MLLT6: variants seen among roughly 807,000 people sequenced by gnomAD.
MLLT6 encodes protein AF-17.
In MLLT6, 22 loss-of-function variants were observed where a neutral mutation model predicts 103.0. That is an observed-to-expected ratio of 0.21 (90% CI 0.15 to 0.31). MLLT6 has a LOEUF of 0.31. Among genes scored for constraint, MLLT6 ranks in the 10% least tolerant of loss-of-function variants. The pLI is 1.00. For synonymous variants in MLLT6, 606 were observed against 623.5 expected (o/e 0.97, Z 0.42); for missense variants, 1,199 against 1,441.7 (o/e 0.83, Z 2.73).
intron 16 of MLLT6, among the ~76,000 whole-genome samples, chr17:38,721,420 T>TA (rs1905730255): frequency 6.6e-6 from 1 of 152,140 alleles, no homozygotes; most frequent in African/African-American, 2.4e-5. Flanking sequence ...TACGAGTGAG[T>TA]AAACTAAGAC....
intron 16 of MLLT6, among the ~76,000 whole-genome samples, chr17:38,721,581 A>G (rs1905739356): frequency 6.6e-6 from 1 of 152,244 alleles, no homozygotes; most frequent in African/African-American, 2.4e-5. Flanking sequence ...ATAGCAAGAT[A>G]GCACAGGTCA....
Position 38,719,914 on chromosome 17 carries a change from G to C in MLLT6, c.2155+19G>C. On this transcript the variant is annotated intron_variant, in intron 14 of 19. Transcript: ENST00000621332. The stretch of plus-strand genomic sequence containing the variant: ...GTCAACAGTGAGGAGGGGTGGCGCC[G>C]GTCGGGACGCCTGCCCTAGGGCCCT... The C allele has an allele frequency of 6.4e-7, 1 of 1,554,582 alleles. No homozygotes were observed.
intron 6 of MLLT6, among the ~76,000 whole-genome samples, chr17:38,710,352 A>G (rs1905103451): frequency 6.6e-6 from 1 of 152,258 alleles, no homozygotes; most frequent in East Asian, 1.9e-4. Flanking sequence ...AGAAGCTGTG[A>G]GGTATTCTGG....
rs1905360213 is a variant in MLLT6, at chr17:38,716,666, C to CACCACAAA, written c.1336_1337insACCACAAA (p.Pro446HisfsTer6). ...CTCGGCAGGCACCCACAAACGGATG[C>CACCACAAA]CCGCACTGAGTGCCACCCCTGTGCC... On this transcript the variant is annotated frameshift_variant, in exon 10 of 20. Coordinates refer to ENST00000621332, the MANE Select transcript of MLLT6 (RefSeq NM_005937.4). LOFTEE classifies it high-confidence loss of function. This position sits in a 1 kb window ranked among gnomAD's most constrained non-coding sequence, Gnocchi z 5.6. The CACCACAAA allele has an allele frequency of 6.2e-7, 1 of 1,613,328 alleles. No individual in the cohort carries two copies. The highest frequency in any genetic ancestry group is 1.7e-5 in the Admixed American group (1 of 59,982).
At chr17:38,710,523 A>G (rs1905110353) in intron 6 of MLLT6, among the ~76,000 whole-genome samples, 1 of 152,120 alleles carries the variant, frequency 6.6e-6, no homozygotes, top group African/African-American at 2.4e-5. Context: ...AGACAGCTGC[A>G]AGAAGGGGGA....
At position 38,721,974 on chromosome 17, in the gene MLLT6, C is replaced by T. The variant is rs527261146; in HGVS notation, c.2539C>T (p.Leu847=). 490 of 1,504,444 alleles carry T rather than the reference C, an allele frequency of 3.3e-4. 5 individuals are homozygous for T. In the South Asian group the frequency reaches 5.6e-3, roughly 17 times the overall value. The allele number at this position is 1,504,444 out of a possible 1,614,324, so 93.2% of individuals were successfully genotyped here. The change falls in exon 17 of 20, where the codon CTG becomes TTG. Residue 847 remains leucine (L), a synonymous_variant. Coordinates refer to ENST00000621332, the MANE Select transcript of MLLT6 (RefSeq NM_005937.4). ...CCTCCTCCAGCAGAGCCCTGCCACTCTGCCCCTGGCCCTGCCTGGGGCCCC... is the reference window on the plus strand; with the variant it reads ...CCTCCTCCAGCAGAGCCCTGCCACTTTGCCCCTGGCCCTGCCTGGGGCCCC... ...LPLLQQSPAT[L]PLALPGAPAP...
At chr17:38,721,147 CACAAAATAATT>C (rs1905709876) in intron 16 of MLLT6, 1 of 234,766 alleles carries the variant, frequency 4.3e-6, no homozygotes, top group Admixed American at 5.1e-5. Context: ...TAGCGCCTCA[CACAAAATAATT>C]CCTGTGTAAC....
chr17:38,721,718 T>C (rs954939094), intron 16 of MLLT6, among the ~76,000 whole-genome samples, 160 bp from the exon 17 acceptor site: 1 of 152,154 alleles, frequency 6.6e-6, no homozygotes, highest in African/African-American at 2.4e-5. Flanking sequence ...GTGAAGACAA[T>C]TTGGATTCTT....
rs1194718033 is a variant in MLLT6, at chr17:38,724,790, T to C, written c.3054T>C (p.Ala1018=). Residue 1018 remains alanine, a synonymous_variant, in exon 19 of 20, where the codon GCT becomes GCC. Transcript: ENST00000621332. The surrounding 1 kb of genome is among the most constrained non-coding windows in gnomAD (Gnocchi z 5.4). ...GTPGLLPTAS[A]PPLLPAGALV... Reference sequence around the variant, plus strand: ...CTGGCCTGCTGCCCACAGCGTCTGCTCCACCCCTGCTGCCCGCTGGAGCCC... The same window carrying C: ...CTGGCCTGCTGCCCACAGCGTCTGCCCCACCCCTGCTGCCCGCTGGAGCCC... The C allele has an allele frequency of 1.2e-6, 2 of 1,606,686 alleles. No homozygotes were observed. Among genetic ancestry groups the C allele is most frequent in the Non-Finnish European group, 8.5e-7 (1 of 1,177,014 alleles).
rs1905653581 is a variant in MLLT6 at position 38,720,389 on chromosome 17, G to T, written c.2173G>T (p.Ala725Ser). 6.2e-7 allele frequency: 1 copy of T among 1,609,896 alleles called. No homozygotes were observed. The highest frequency in any genetic ancestry group is 2.2e-5 in the East Asian group (1 of 44,774). Residue 725 changes from alanine (A) to serine (S), a missense_variant, in exon 15 of 20, where the codon GCG becomes TCG. Ala to Ser is a moderately conservative substitution (Grantham distance 99). Around this residue, in one of 7 missense-constraint regions of MLLT6, gnomAD observed 1,034 missense variants for 1,091.5 expected, o/e 0.95. Coordinates refer to ENST00000621332, the MANE Select transcript of MLLT6 (RefSeq NM_005937.4). ...AGVNIVEMLKALHALQKENQR... is the reference protein window; with the variant it reads ...AGVNIVEMLKSLHALQKENQR... ...CTCCGCAGTCGTGGAGATGCTGAAG[G>T]CGCTGCACGCGCTGCAGAAGGAGAA...
rs1905084534 is a variant in MLLT6, at chr17:38,709,859, G to C, written c.552+284G>C. Among the ~76,000 whole-genome samples, 1 of 152,242 alleles carries C rather than the reference G, an allele frequency of 6.6e-6. No homozygotes were observed. The highest frequency in any genetic ancestry group is 2.1e-4 in the South Asian group (1 of 4,836). ...AGAGGTAGCATTTAAGCTGAGTGGA[G>C]GTGGAAATCAAAGTAAGAGCCAACA... is the stretch of plus-strand genomic sequence containing the variant. On this transcript the variant is annotated intron_variant, in intron 6 of 19. Coordinates refer to ENST00000621332, the MANE Select transcript of MLLT6 (RefSeq NM_005937.4). The surrounding 1 kb of genome is among the most constrained non-coding windows in gnomAD (Gnocchi z 4.3).
rs1004096817 is a variant in MLLT6 at position 38,727,861 on chromosome 17, C to T, written c.*2263C>T. On this transcript the variant is annotated 3_prime_UTR_variant, in exon 20 of 20. Coordinates refer to ENST00000621332, the MANE Select transcript of MLLT6 (RefSeq NM_005937.4). ...GAAGAGTTGCTCATTCACACCCACG[C>T]CCTTGCCCAAGGCTGGCCCACTTAG... 4.3e-6 allele frequency: 1 copy of T among 233,092 alleles called. No individual in the cohort carries two copies. Among genetic ancestry groups the T allele is most frequent in the African/African-American group, 2.2e-5 (1 of 45,354 alleles). The allele number at this position is 233,092 out of a possible 1,614,324, so 14.4% of individuals were successfully genotyped here.
At position 38,712,807 on chromosome 17, in the gene MLLT6, C is replaced by G. The variant is rs573717802; in HGVS notation, c.819+18C>G. ...CTGACAAGGTACTGCTGCCCACCTTCAGGAGGGATGGTGTGTGGGTCTGGG... is the reference window on the plus strand; with the variant it reads ...CTGACAAGGTACTGCTGCCCACCTTGAGGAGGGATGGTGTGTGGGTCTGGG... On this transcript the variant is annotated intron_variant, in intron 8 of 19. Transcript: ENST00000621332. The G allele has an allele frequency of 2.3e-5, 36 of 1,582,282 alleles. No homozygotes were observed. The highest frequency in any genetic ancestry group is 3.0e-5 in the Non-Finnish European group (35 of 1,151,518).
In MLLT6 at chr17:38,722,199, A is replaced by T. The variant is rs1254297709; in HGVS notation, c.2764A>T (p.Thr922Ser). The change falls in exon 17 of 20, where the codon ACG (threonine) becomes TCG (serine). Residue 922 changes from threonine to serine, a missense_variant. Physicochemically the swap from Thr to Ser is moderately conservative, Grantham distance 58 (BLOSUM62 1). This residue lies in a region of MLLT6 where 1,034 missense variants were observed against 1,091.5 expected (regional missense o/e 0.95). Transcript: ENST00000621332. ...ASLSQAGGAPTLQLPGCLNSL... is the reference protein window; with the variant it reads ...ASLSQAGGAPSLQLPGCLNSL... Reference sequence around the variant, plus strand: ...CTTGAGCCAGGCTGGCGGGGCCCCCACGCTGCAGCTGCCAGGCTGTCTCAA... The same window carrying T: ...CTTGAGCCAGGCTGGCGGGGCCCCCTCGCTGCAGCTGCCAGGCTGTCTCAA... The T allele has an allele frequency of 1.5e-6, 2 of 1,364,838 alleles. No homozygotes were observed. Among genetic ancestry groups the T allele is most frequent in the Admixed American group, 7.2e-5 (2 of 27,630 alleles). 84.5% of individuals were successfully genotyped at this position (1,364,838 alleles called of 1,614,324 possible).
rs574880328 is a variant in MLLT6 at position 38,722,208 on chromosome 17, C to T, written c.2773C>T (p.Leu925=). 1.4e-4 allele frequency: 187 copies of T among 1,368,628 alleles called. 1 individual carries two copies. In the South Asian group the frequency reaches 2.2e-3, roughly 16 times the overall value. The allele number at this position is 1,368,628 out of a possible 1,614,324, so 84.8% of individuals were successfully genotyped here. A position where few individuals can be genotyped will look rare whatever the true frequency, so the allele number is the denominator to read the frequency against. The change falls in exon 17 of 20, where the codon CTG becomes TTG. Residue 925 remains leucine (L), a synonymous_variant. Coordinates refer to ENST00000621332, the MANE Select transcript of MLLT6 (RefSeq NM_005937.4). ...GGCTGGCGGGGCCCCCACGCTGCAG[C>T]TGCCAGGCTGTCTCAACAGGTGAGG... ...SQAGGAPTLQ[L]PGCLNSLTEQ...
At position 38,722,020 on chromosome 17, in the gene MLLT6, CGCA is replaced by C. The variant is rs1905777863; in HGVS notation, c.2587_2589del (p.Gln863del). The C allele has an allele frequency of 6.8e-7, 1 of 1,473,478 alleles. No individual in the cohort carries two copies. Among genetic ancestry groups the C allele is most frequent in the Non-Finnish European group, 9.0e-7 (1 of 1,114,412 alleles). The allele number at this position is 1,473,478 out of a possible 1,614,324, so 91.3% of individuals were successfully genotyped here. A position where few individuals can be genotyped will look rare whatever the true frequency, so the allele number is the denominator to read the frequency against. On this transcript the variant is annotated inframe_deletion, in exon 17 of 20. Coordinates refer to ENST00000621332, the MANE Select transcript of MLLT6 (RefSeq NM_005937.4). ...GCCCCTGCCCCACTCCCGCCCCAGC[CGCA>C]GAACGGGTTGGGCCGGGCACCCGGG...
intron 2 of MLLT6, among the ~76,000 whole-genome samples, chr17:38,707,265 G>A (rs1904971423): frequency 6.6e-6 from 1 of 152,086 alleles, no homozygotes; most frequent in Non-Finnish European, 1.5e-5. Flanking sequence ...TTTTATTATG[G>A]GAAGTTTCCT....
chr17:38,719,939 T>C (rs2143699645), intron 14 of MLLT6, 44 bp downstream of exon 14: 1 of 1,518,486 alleles, frequency 6.6e-7, no homozygotes, highest in Non-Finnish European at 8.8e-7. Flanking sequence ...CCTAGGGCCC[T>C]AACAGTCACC....
At chr17:38,708,915 TAAAC>T (rs1056290851) in intron 4 of MLLT6, among the ~76,000 whole-genome samples, 2 of 152,188 alleles carry the variant, frequency 1.3e-5, no homozygotes, top group African/African-American at 4.8e-5. Flanking sequence ...TAAATAAAAA[TAAAC>T]AACAATTAAA....
Sources: gnomAD v4.1 joint callset for allele counts (sites outside exome capture counted in the v4.1 genomes callset) on GRCh38, gnomAD v4.1.1 for gene constraint, gnomAD v4.1.1 regional missense constraint, Gnocchi (gnomAD v3.1) non-coding constraint, MANE v1.5 for transcripts, NCBI Gene and HGNC (gene_info 2026-07-23, HGNC 2026-07-21) for gene names.